Variants in TTN observed in about 807,000 individuals in gnomAD.
TTN encodes the protein connectin.
TTN carries 1,525 observed loss-of-function variants against 3,223.0 expected under a neutral mutation model. That is an observed-to-expected ratio of 0.47 (90% CI 0.45 to 0.49). TTN has a LOEUF of 0.49. Among genes scored for constraint, TTN ranks in the 20% least tolerant of loss-of-function variants. The pLI is 0.00. For synonymous variants in TTN, 14,094 were observed against 15,161.0 expected (o/e 0.93, Z 5.17); for missense variants, 40,786 against 43,424.0 (o/e 0.94, Z 5.40).
chr2:178,769,056 GAGATAT>G, intron 37 of TTN, 123 bp from the exon 38 acceptor site: 1 of 1,130,102 alleles, frequency 8.8e-7, no homozygotes, highest in Admixed American at 2.0e-5. Flanking sequence ...TTACAGTTTA[GAGATAT>G]AAGCTTTGAT....
At position 178,601,399 on chromosome 2, in the gene TTN, C is replaced by T. The variant is rs727503599; in HGVS notation, c.55598G>A (p.Cys18533Tyr). The change falls in exon 287 of 363, where the codon TGT (cysteine) becomes TAT (tyrosine). Residue 18533 changes from cysteine to tyrosine, a missense_variant. Coordinates refer to ENST00000589042, the MANE Select transcript of TTN (RefSeq NM_001267550.2). ...AGGCACTACAAATGTGGTGCTTCCA[C>T]AGTCTGGATTGACTTTGGTCCAGGC... ...GKAWTKVNPDCGSTTFVVPDL... is the reference protein window; with the variant it reads ...GKAWTKVNPDYGSTTFVVPDL... 1 of 1,612,694 alleles carries T rather than the reference C, an allele frequency of 6.2e-7. No homozygotes were observed. Among genetic ancestry groups the T allele is most frequent in the Non-Finnish European group, 8.5e-7 (1 of 1,179,302 alleles).
In TTN at chr2:178,770,825, T is replaced by C. The variant is rs745754233; in HGVS notation, c.8117-150A>G. ...CAGCACCTCTGTTTTAAAAAACACCTGAGATTATTTAGGGGAACCTGGGAT... is the reference window on the plus strand; with the variant it reads ...CAGCACCTCTGTTTTAAAAAACACCCGAGATTATTTAGGGGAACCTGGGAT... On this transcript the variant is annotated intron_variant, in intron 34 of 362. Transcript: ENST00000589042. The C allele has an allele frequency of 2.4e-5, 25 of 1,042,220 alleles. No homozygotes were observed. In the African/African-American group the frequency reaches 2.8e-4, roughly 12 times the overall value. The allele number at this position is 1,042,220 out of a possible 1,614,324, so 64.6% of individuals were successfully genotyped here. A position where few individuals can be genotyped will look rare whatever the true frequency, so the allele number is the denominator to read the frequency against.
rs1484487083 is a variant in TTN at position 178,706,876 on chromosome 2, A to T, written c.29120T>A (p.Ile9707Asn). The T allele has an allele frequency of 6.2e-7, 1 of 1,612,412 alleles. No individual in the cohort carries two copies. The highest frequency in any genetic ancestry group is 1.1e-5 in the South Asian group (1 of 90,714). Residue 9707 changes from isoleucine to asparagine, a missense_variant, in exon 101 of 363, where the codon ATC (isoleucine) becomes AAC (asparagine). Coordinates refer to ENST00000589042, the MANE Select transcript of TTN (RefSeq NM_001267550.2). Reference sequence around the variant, plus strand: ...AGTGCACTTACTTTCTACGACTCTGATACTCTGAGGTTCTGACACAAAAAA... The same window carrying T: ...AGTGCACTTACTTTCTACGACTCTGTTACTCTGAGGTTCTGACACAAAAAA... The part of the protein sequence containing the change: ...RLFFVSEPQS[I>N]RVVEKTTATF...
chr2:178,711,204 GCTGT>G lies in TTN; in HGVS notation c.28028_28031del (p.Asp9343AlafsTer9). Reference sequence around the variant, plus strand: ...CTAAAAATGATGTTTGTACATTTGGGCTGTCTTTCAATGGCTTGCCGTCTTTATA... The same window carrying G: ...CTAAAAATGATGTTTGTACATTTGGGCTTTCAATGGCTTGCCGTCTTTATA... On this transcript the variant is annotated frameshift_variant, in exon 97 of 363. Coordinates refer to ENST00000589042, the MANE Select transcript of TTN (RefSeq NM_001267550.2). LOFTEE classifies it high-confidence loss of function. 1.2e-6 allele frequency: 2 copies of G among 1,613,814 alleles called. No individual in the cohort carries two copies. The highest frequency in any genetic ancestry group is 1.7e-6 in the Non-Finnish European group (2 of 1,179,784).
At chr2:178,680,392 G>T in intron 138 of TTN, 61 bp from the exon 139 acceptor site, 1 of 1,373,976 alleles carries the variant, frequency 7.3e-7, no homozygotes, top group Non-Finnish European at 1.0e-6. Flanking sequence ...GCCAATGCTT[G>T]TTTTGCTGTA....
chr2:178,696,290 A>G, intron 113 of TTN, 21 bp from the exon 114 acceptor site: 1 of 1,484,090 alleles, frequency 6.7e-7, no homozygotes, highest in Non-Finnish European at 8.9e-7. Flanking sequence ...TAAAGATACT[A>G]TTAGCATATT....
chr2:178,807,238 G>T lies in TTN; in HGVS notation c.-40C>A, dbSNP rs1441701207. ...TGATTTCTCAAGAGTGCCTAAAAAG[G>T]GTGGGACTAAGCCCAAGGTTGCTTC... On this transcript the variant is annotated 5_prime_UTR_variant, in exon 1 of 363. Transcript: ENST00000589042. The T allele has an allele frequency of 6.6e-6, 1 of 152,118 alleles. No homozygotes were observed. The highest frequency in any genetic ancestry group is 1.9e-4 in the East Asian group (1 of 5,190). The allele number at this position is 152,118 out of a possible 1,614,324, so 9.4% of individuals were successfully genotyped here.
chr2:178,555,409 T>C, intron 330 of TTN: 1 of 402,770 alleles, frequency 2.5e-6, no homozygotes, highest in Non-Finnish European at 4.3e-6. Context: ...AGTTGCTTTA[T>C]TCCAGTGAAG....
rs59528147 is a variant in TTN at position 178,698,732 on chromosome 2, A to G, written c.30754+111T>C. ...GGCGAAAGTGAGTGAAGGGAGAGGTACCATTTTGTGATTGCAAACTCTTAC... is the reference window on the plus strand; with the variant it reads ...GGCGAAAGTGAGTGAAGGGAGAGGTGCCATTTTGTGATTGCAAACTCTTAC... On this transcript the variant is annotated intron_variant, in intron 112 of 362. Coordinates refer to ENST00000589042, the MANE Select transcript of TTN (RefSeq NM_001267550.2). 6.8e-4 allele frequency: 664 copies of G among 972,904 alleles called. 6 individuals carry two copies. In the African/African-American group the frequency reaches 1.0e-2, roughly 15 times the overall value. The allele number at this position is 972,904 out of a possible 1,614,324, so 60.3% of individuals were successfully genotyped here. A position where few individuals can be genotyped will look rare whatever the true frequency, so the allele number is the denominator to read the frequency against.
At position 178,546,135 on chromosome 2, in the gene TTN, C is replaced by G. The variant is rs891370422; in HGVS notation, c.95120-19G>C. The G allele has an allele frequency of 1.3e-6, 2 of 1,591,546 alleles. No homozygotes were observed. Among genetic ancestry groups the G allele is most frequent in the Non-Finnish European group, 1.7e-6 (2 of 1,167,590 alleles). On this transcript the variant is annotated intron_variant, in intron 342 of 362. Coordinates refer to ENST00000589042, the MANE Select transcript of TTN (RefSeq NM_001267550.2). ...GGGGAATCTGAAACAGGTGTAATGA[C>G]AAGCCATGATGAAGATCATTCTTTC...
chr2:178,592,725 A>C lies in TTN; in HGVS notation c.59344+50T>G, dbSNP rs1467080744. The C allele has an allele frequency of 2.5e-6, 4 of 1,612,294 alleles. No individual in the cohort carries two copies. The African/African-American group carries it at 5.3e-5, about 22-fold the overall frequency. On this transcript the variant is annotated intron_variant, in intron 300 of 362. Transcript: ENST00000589042. The stretch of plus-strand genomic sequence containing the variant: ...ATGCAGATTACAATTAAACACATAC[A>C]ATCAGACATCTATTTTCCTTGCAAA...
chr2:178,706,427 A>G (rs764922714), intron 102 of TTN, 27 bp downstream of exon 102: 1 of 1,579,028 alleles, frequency 6.3e-7, no homozygotes, highest in Non-Finnish European at 8.6e-7. Flanking sequence ...GGCTGATTGT[A>G]CGATTTGTGG....
At chr2:178,652,806 G>C (rs758671674) in intron 200 of TTN, 42 bp downstream of exon 200, 11 of 1,606,614 alleles carry the variant, frequency 6.8e-6, no homozygotes, top group Non-Finnish European at 7.6e-6. Context: ...TTCAAGAATA[G>C]AGGAGTTTGA....
chr2:178,601,377 C>G lies in TTN; in HGVS notation c.55620G>C (p.Val18540=), dbSNP rs758105333. The G allele has an allele frequency of 1.2e-6, 2 of 1,612,572 alleles. No individual in the cohort carries two copies. Among genetic ancestry groups the G allele is most frequent in the Non-Finnish European group, 1.7e-6 (2 of 1,179,262 alleles). Reference sequence around the variant, plus strand: ...ATTGCTGTTCAGAGAGGAGATCAGGCACTACAAATGTGGTGCTTCCACAGT... The same window carrying G: ...ATTGCTGTTCAGAGAGGAGATCAGGGACTACAAATGTGGTGCTTCCACAGT... ...NPDCGSTTFV[V]PDLLSEQQYF... is the part of the protein sequence containing the mutation. The change falls in exon 287 of 363, where the codon GTG becomes GTC. Residue 18540 remains valine, a synonymous_variant. Coordinates refer to ENST00000589042, the MANE Select transcript of TTN (RefSeq NM_001267550.2).
In TTN at chr2:178,591,358, C is replaced by T. The variant is rs1407608886; in HGVS notation, c.60367G>A (p.Glu20123Lys). Residue 20123 changes from glutamate to lysine, a missense_variant, in exon 304 of 363, where the codon GAG becomes AAG. Physicochemically the swap from Glu to Lys is moderately conservative, Grantham distance 56. Transcript: ENST00000589042. ...TTGTCTGTTTCAACTGTGTAGTGCTCATCGGTTTTAATCTCACTCCCATCG... is the reference window on the plus strand; with the variant it reads ...TTGTCTGTTTCAACTGTGTAGTGCTTATCGGTTTTAATCTCACTCCCATCG... The part of the protein sequence containing the change: ...TTDGSEIKTD[E>K]HYTVETDNFS... 2 of 1,613,290 alleles carry T rather than the reference C, an allele frequency of 1.2e-6. No homozygotes were observed. Among genetic ancestry groups the T allele is most frequent in the South Asian group, 1.1e-5 (1 of 91,044 alleles).
At chr2:178,750,419 G>A (rs372392045) in intron 47 of TTN, 63 of 1,612,052 alleles carry the variant, frequency 3.9e-5, no homozygotes, top group Middle Eastern at 1.6e-4. Context: ...GTTTTCCAAC[G>A]AATGAATGAT....
Position 178,541,464 on chromosome 2 carries a change from C to A in TTN, c.97613G>T (p.Arg32538Leu), listed in dbSNP as rs3731749. 6.2e-7 allele frequency: 1 copy of A among 1,612,744 alleles called. No homozygotes were observed. The highest frequency in any genetic ancestry group is 1.3e-5 in the African/African-American group (1 of 74,832). The change falls in exon 350 of 363, where the codon CGC (arginine) becomes CTC (leucine). Residue 32538 changes from arginine to leucine, a missense_variant. Transcript: ENST00000589042. The part of the protein sequence containing the change: ...GSQVTGYIVE[R>L]KEVRADRWVR... ...CCATCGATCTGCTCTCACTTCTTTG[C>A]GCTCCACAATATATCCAGTCACTTG...
intron 149 of TTN, chr2:178,675,394 A>G (rs926931305): frequency 1.3e-5 from 5 of 386,326 alleles, no homozygotes; most frequent in Non-Finnish European, 2.3e-5. Flanking sequence ...GGGTATGAAG[A>G]AATGGGTATT....
chr2:178,585,250 A>G lies in TTN; in HGVS notation c.64494T>C (p.Cys21498=). The change falls in exon 309 of 363, where the codon TGT becomes TGC. Residue 21498 remains cysteine, a synonymous_variant. Transcript: ENST00000589042. ...AHVYGKPHPT[C]KWKKGEDEVV... ...CTTCATCTTCTCCTTTTTTCCATTTACAGGTGGGATGAGGCTTTCCATACA... is the reference window on the plus strand; with the variant it reads ...CTTCATCTTCTCCTTTTTTCCATTTGCAGGTGGGATGAGGCTTTCCATACA... 4.3e-6 allele frequency: 7 copies of G among 1,613,200 alleles called. No individual in the cohort carries two copies. The highest frequency in any genetic ancestry group is 5.1e-6 in the Non-Finnish European group (6 of 1,179,394).
Sources: gnomAD v4.1 joint callset for allele counts on GRCh38, gnomAD v4.1.1 for gene constraint, MANE v1.5 for transcripts, NCBI Gene and HGNC (gene_info 2026-07-23, HGNC 2026-07-21) for gene names.